The following SSH2 variants were observed in gnomAD, a reference collection of about 807,000 sequenced individuals.
SSH2 encodes the protein slingshot protein phosphatase 2, also known as protein phosphatase Slingshot homolog 2.
A neutral mutation model predicts 135.2 loss-of-function variants in SSH2; 37 were observed. The observed-to-expected ratio is 0.27, with a 90% CI of 0.21 to 0.36. The LOEUF is 0.36. SSH2 is among the 10% of genes least tolerant of loss of function. The pLI, the probability that SSH2 is intolerant of heterozygous loss-of-function variation, is 1.00. For missense variants in SSH2, 1,408 were observed against 1,765.3 expected (o/e 0.80, Z 3.63); for synonymous variants, 628 against 646.2 (o/e 0.97, Z 0.43).
intron 3 of SSH2, among the ~76,000 whole-genome samples, chr17:29,723,301 C>G (rs1424295493): frequency 2.6e-5 from 4 of 152,210 alleles, no homozygotes; most frequent in Admixed American, 6.5e-5. Flanking sequence ...TTCATCTGCT[C>G]TACTGCCTTG....
chr17:29,847,999 G>A (rs1409250756), intron 2 of SSH2, among the ~76,000 whole-genome samples: 1 of 152,198 alleles, frequency 6.6e-6, no homozygotes, highest in African/African-American at 2.4e-5. Context: ...ATGAGTTAGT[G>A]CTGTTCCACA....
At chr17:29,806,892 A>G (rs1243860909) in intron 2 of SSH2, among the ~76,000 whole-genome samples, 2 of 152,178 alleles carry the variant, frequency 1.3e-5, no homozygotes, top group Non-Finnish European at 2.9e-5. Flanking sequence ...CCTACCAGCT[A>G]TACCAATTGC....
At chr17:29,805,576 C>T (rs969585832) in intron 2 of SSH2, among the ~76,000 whole-genome samples, 7 of 152,080 alleles carry the variant, frequency 4.6e-5, no homozygotes, top group African/African-American at 1.7e-4. Flanking sequence ...CGTCGGTAGC[C>T]AAGGCGGATG....
intron 11 of SSH2, among the ~76,000 whole-genome samples, chr17:29,664,973 T>C (rs1170205060): frequency 6.6e-6 from 1 of 152,090 alleles, no homozygotes; most frequent in Non-Finnish European, 1.5e-5. Context: ...TCTATATTCT[T>C]TTACGTGTTA....
At chr17:29,871,319 C>T (rs2065933104) in intron 1 of SSH2, among the ~76,000 whole-genome samples, 1 of 152,138 alleles carries the variant, frequency 6.6e-6, no homozygotes, top group Admixed American at 6.5e-5. Context: ...TGAAGTAGGG[C>T]TATTGAATTT....
At chr17:29,637,601 G>A (rs2035963378) in intron 14 of SSH2, among the ~76,000 whole-genome samples, 1 of 151,756 alleles carries the variant, frequency 6.6e-6, no homozygotes, top group Non-Finnish European at 1.5e-5. Flanking sequence ...GGGCAACATG[G>A]TAAAACTCCA....
At chr17:29,837,800 G>A (rs2042968228) in intron 2 of SSH2, among the ~76,000 whole-genome samples, 3 of 152,262 alleles carry the variant, frequency 2.0e-5, no homozygotes, top group Non-Finnish European at 1.5e-5. Context: ...CCACTGTGAG[G>A]GAAACGCAAA....
chr17:29,777,922 A>G (rs1428888408), intron 3 of SSH2, among the ~76,000 whole-genome samples: 1 of 151,888 alleles, frequency 6.6e-6, no homozygotes, highest in Admixed American at 6.6e-5. Flanking sequence ...TATCCTCTCA[A>G]CTGTTCCTCA....
At chr17:29,642,606 T>C (rs1014238264) in intron 14 of SSH2, among the ~76,000 whole-genome samples, 3 of 148,714 alleles carry the variant, frequency 2.0e-5, no homozygotes, top group Non-Finnish European at 1.5e-5. Flanking sequence ...CCATCCCCCA[T>C]CTATAAAAAC....
rs144901551 is a variant in SSH2 at position 29,643,505 on chromosome 17, G to A, written c.1427+4639C>T. Among the ~76,000 whole-genome samples the A allele has an allele frequency of 3.2e-3, 479 of 151,222 alleles. 3 individuals carry two copies. Among genetic ancestry groups the A allele is most frequent in the African/African-American group, 9.4e-3 (385 of 41,164 alleles). On this transcript the variant is annotated intron_variant, in intron 14 of 15. Transcript: ENST00000540801. ...CAGCTCACTGCAAGCTCCACCTCCC[G>A]GCTTCATGCCATTCTGCTTTAGCCT...
intron 1 of SSH2, among the ~76,000 whole-genome samples, chr17:29,878,424 T>C (rs2066075275): frequency 6.6e-6 from 1 of 152,166 alleles, no homozygotes; most frequent in Non-Finnish European, 1.5e-5. Flanking sequence ...CAAAATTGCG[T>C]CTACTGCTAC....
At chr17:29,851,919 A>T (rs925366404) in intron 1 of SSH2, among the ~76,000 whole-genome samples, 1 of 152,172 alleles carries the variant, frequency 6.6e-6, no homozygotes. Context: ...ATTAAACCAA[A>T]TTACACTAGT....
At chr17:29,795,751 C>CT (rs1238485729) in intron 2 of SSH2, among the ~76,000 whole-genome samples, 2 of 151,758 alleles carry the variant, frequency 1.3e-5, no homozygotes, top group East Asian at 1.9e-4. Context: ...TTTTCCTTAT[C>CT]TTTTTTTTAG....
chr17:29,658,849 A>G (rs1440615404), intron 11 of SSH2, among the ~76,000 whole-genome samples: 1 of 147,602 alleles, frequency 6.8e-6, no homozygotes, highest in Non-Finnish European at 1.5e-5. Flanking sequence ...CCTGGGCAAC[A>G]GAAGCGAAAC....
intron 1 of SSH2, among the ~76,000 whole-genome samples, chr17:29,860,823 G>A (rs1038618079): frequency 2.0e-5 from 3 of 151,244 alleles, no homozygotes; most frequent in African/African-American, 7.3e-5. Flanking sequence ...TCAGTTCACT[G>A]CAACATACAC....
chr17:29,647,022 C>A (rs1368381766), intron 14 of SSH2, among the ~76,000 whole-genome samples: 1 of 150,918 alleles, frequency 6.6e-6, no homozygotes, highest in African/African-American at 2.4e-5. Context: ...CGCTTGTAAT[C>A]CCAGCACTTT....
chr17:29,654,908 C>A (rs967716715), intron 12 of SSH2, among the ~76,000 whole-genome samples: 1 of 152,186 alleles, frequency 6.6e-6, no homozygotes, highest in African/African-American at 2.4e-5. Flanking sequence ...CTTTGTCCCA[C>A]AGAAGACGCT....
rs569769297 is a variant in SSH2, at chr17:29,895,155, G to A, written c.63+34783C>T. Among the ~76,000 whole-genome samples, 46 of 144,436 alleles carry A rather than the reference G, an allele frequency of 3.2e-4. No homozygotes were observed. The South Asian group carries it at 7.5e-3, about 24-fold the overall frequency. 94.8% of individuals were successfully genotyped at this position (144,436 alleles called of 152,430 possible). On this transcript the variant is annotated intron_variant, in intron 1 of 15. Coordinates refer to ENST00000540801, the MANE Select transcript of SSH2 (RefSeq NM_001282129.2). ...ATACATTCTATTTTATTTATAGATCGCAGAATGTATAAAATACATTATACA... is the reference window on the plus strand; with the variant it reads ...ATACATTCTATTTTATTTATAGATCACAGAATGTATAAAATACATTATACA...
intron 11 of SSH2, among the ~76,000 whole-genome samples, chr17:29,664,333 A>G (rs2037181533): frequency 6.6e-6 from 1 of 150,982 alleles, no homozygotes; most frequent in South Asian, 2.1e-4. Context: ...AGATCATGCC[A>G]TTGCACTCCA....
Sources: allele counts gnomAD v4.1 joint callset (sites outside exome capture counted in the v4.1 genomes callset), GRCh38; gene constraint gnomAD v4.1.1; transcripts MANE v1.5; gene names NCBI Gene and HGNC (gene_info 2026-07-23, HGNC 2026-07-21).